RNGTT: variants seen among roughly 807,000 people sequenced by gnomAD.
The protein encoded by RNGTT is mRNA-capping enzyme.
In RNGTT, 33 loss-of-function variants were observed where a neutral mutation model predicts 79.3. The ratio of observed to expected loss-of-function variants is 0.42; its 90% CI spans 0.32 to 0.56. RNGTT has a LOEUF of 0.56. Ranked by LOEUF, RNGTT falls within the 20% of genes least tolerant of loss-of-function variation. RNGTT has a pLI of 0.17. For missense variants in RNGTT, 497 were observed against 739.1 expected (o/e 0.67, Z 3.80); for synonymous variants, 222 against 235.9 (o/e 0.94, Z 0.54).
intron 13 of RNGTT, among the ~76,000 whole-genome samples, chr6:88,681,958 T>C (rs1186213585): frequency 2.0e-5 from 3 of 152,198 alleles, no homozygotes; most frequent in Non-Finnish European, 4.4e-5. Context: ...TAGGCAAGAC[T>C]AATATCCATT....
intron 12 of RNGTT, among the ~76,000 whole-genome samples, chr6:88,786,758 T>C (rs1401275298): frequency 2.6e-5 from 4 of 152,184 alleles, no homozygotes; most frequent in African/African-American, 9.7e-5. Context: ...ACATTTCAAA[T>C]TTTTTTAAAA....
At chr6:88,736,846 A>G (rs1053482377) in intron 13 of RNGTT, among the ~76,000 whole-genome samples, 12 of 152,220 alleles carry the variant, frequency 7.9e-5, no homozygotes, top group African/African-American at 2.7e-4. Context: ...GTGAACATGC[A>G]TTATCCTTCA....
intron 11 of RNGTT, among the ~76,000 whole-genome samples, chr6:88,829,616 G>A (rs1229659949): frequency 6.8e-6 from 1 of 146,518 alleles, no homozygotes; most frequent in Non-Finnish European, 1.5e-5. Flanking sequence ...TCAGTGTGCT[G>A]TATTCAGGAG....
chr6:88,798,302 G>A (rs1051838225), intron 12 of RNGTT, among the ~76,000 whole-genome samples: 2 of 151,716 alleles, frequency 1.3e-5, no homozygotes, highest in South Asian at 2.1e-4. Flanking sequence ...CCGTATCTAC[G>A]AAAAATACAA....
intron 15 of RNGTT, among the ~76,000 whole-genome samples, chr6:88,614,065 G>A (rs566258036): frequency 7.2e-4 from 110 of 152,272 alleles, no homozygotes; most frequent in African/African-American, 2.6e-3. Context: ...GGGTGCATGG[G>A]CACAAGATCA....
chr6:88,618,773 C>T (rs567955648), intron 14 of RNGTT, among the ~76,000 whole-genome samples: 8 of 152,254 alleles, frequency 5.3e-5, no homozygotes, highest in East Asian at 1.9e-4. Flanking sequence ...CAGATGAAAA[C>T]GGATCTAGTA....
chr6:88,737,349 T>C (rs1226029637), intron 13 of RNGTT, among the ~76,000 whole-genome samples: 1 of 152,200 alleles, frequency 6.6e-6, no homozygotes, highest in Non-Finnish European at 1.5e-5. Flanking sequence ...CCTCGAGTCT[T>C]ACCCCTTTCC....
Position 88,778,953 on chromosome 6 carries a change from C to T in RNGTT, c.1339-9079G>A, listed in dbSNP as rs576188196. On this transcript the variant is annotated intron_variant, in intron 12 of 15. Coordinates refer to ENST00000369485, the MANE Select transcript of RNGTT (RefSeq NM_003800.5). ...CTGAGAGATTTATTTAGGTAACATA[C>T]ATGCTTCAGGATAATCACAAATAAA... Among the ~76,000 whole-genome samples the T allele has an allele frequency of 9.9e-4, 151 of 152,270 alleles. 1 individual carries two copies. The highest frequency in any genetic ancestry group is 1.7e-3 in the Admixed American group (26 of 15,292).
chr6:88,789,206 G>C (rs966730782), intron 12 of RNGTT, among the ~76,000 whole-genome samples: 5 of 151,958 alleles, frequency 3.3e-5, no homozygotes, highest in Non-Finnish European at 5.9e-5. Context: ...GATCACCTGA[G>C]GCCAGGAGCT....
intron 1 of RNGTT, among the ~76,000 whole-genome samples, chr6:88,949,129 AT>A (rs1281973391): frequency 9.4e-4 from 136 of 144,046 alleles, no homozygotes; most frequent in Non-Finnish European, 1.4e-3. Flanking sequence ...ATTAAAAAAA[AT>A]AAAAATAAAA....
intron 13 of RNGTT, among the ~76,000 whole-genome samples, chr6:88,769,154 C>T (rs1418600237): frequency 6.6e-6 from 1 of 151,760 alleles, no homozygotes; most frequent in East Asian, 1.9e-4. Flanking sequence ...AAGTTCTTTT[C>T]TTTGGGGGGA....
In RNGTT at chr6:88,612,641, TTCTC is replaced by T; in HGVS notation, c.*74_*77del. ...CATCAAGCCACAGTCGTTTTTCAATTTCTCTGGCTACAAAAATGGGCAACAGCGT... is the reference window on the plus strand; with the variant it reads ...CATCAAGCCACAGTCGTTTTTCAATTTGGCTACAAAAATGGGCAACAGCGT... On this transcript the variant is annotated 3_prime_UTR_variant, in exon 16 of 16. Transcript: ENST00000369485. 7.1e-7 allele frequency: 1 copy of T among 1,414,458 alleles called. No individual in the cohort carries two copies. The highest frequency in any genetic ancestry group is 9.6e-7 in the Non-Finnish European group (1 of 1,042,602). The allele number at this position is 1,414,458 out of a possible 1,614,324, so 87.6% of individuals were successfully genotyped here.
intron 2 of RNGTT, among the ~76,000 whole-genome samples, chr6:88,931,622 G>T: frequency 6.6e-6 from 1 of 152,148 alleles, no homozygotes; most frequent in East Asian, 1.9e-4. Flanking sequence ...AAAAAAGTAT[G>T]TACAGTCAAA....
At chr6:88,732,188 A>G (rs1316303806) in intron 13 of RNGTT, among the ~76,000 whole-genome samples, 3 of 152,288 alleles carry the variant, frequency 2.0e-5, no homozygotes, top group African/African-American at 4.8e-5. Context: ...CTCAACAGCA[A>G]TAACAAAAAA....
chr6:88,864,453 G>A (rs1782106512), intron 8 of RNGTT, among the ~76,000 whole-genome samples: 1 of 152,102 alleles, frequency 6.6e-6, no homozygotes, highest in Admixed American at 6.6e-5. Flanking sequence ...GAAGATATCT[G>A]TAGGCAAAAG....
chr6:88,721,995 G>A (rs966310006), intron 13 of RNGTT, among the ~76,000 whole-genome samples: 2 of 151,652 alleles, frequency 1.3e-5, no homozygotes, highest in African/African-American at 4.8e-5. Context: ...AAGCCACCTT[G>A]TATCCTAAGC....
intron 11 of RNGTT, among the ~76,000 whole-genome samples, chr6:88,809,938 C>T (rs1247890995): frequency 6.6e-6 from 1 of 151,828 alleles, no homozygotes; most frequent in Non-Finnish European, 1.5e-5. Flanking sequence ...GTCGCAGCTA[C>T]TCAGGAGGCT....
chr6:88,703,445 G>T (rs935728426), intron 13 of RNGTT, among the ~76,000 whole-genome samples: 1 of 152,158 alleles, frequency 6.6e-6, no homozygotes, highest in African/African-American at 2.4e-5. Context: ...AATTAACGCA[G>T]GAACAGAAAA....
intron 12 of RNGTT, among the ~76,000 whole-genome samples, chr6:88,795,066 T>A (rs1582469136): frequency 2.0e-5 from 3 of 152,174 alleles, no homozygotes; most frequent in Non-Finnish European, 4.4e-5. Context: ...TAGACAAAGG[T>A]GTATCACTTC....
Sources: allele counts gnomAD v4.1 joint callset (sites outside exome capture counted in the v4.1 genomes callset), GRCh38; gene constraint gnomAD v4.1.1; transcripts MANE v1.5; gene names NCBI Gene and HGNC (gene_info 2026-07-23, HGNC 2026-07-21).